FANCL: variants seen among roughly 807,000 people sequenced by gnomAD.
FANCL encodes E3 ubiquitin-protein ligase FANCL.
In FANCL, 69 loss-of-function variants were observed where a neutral mutation model predicts 59.4. That is an observed-to-expected ratio of 1.16 (90% CI 0.96 to 1.42). The LOEUF (loss-of-function observed/expected upper bound fraction) is 1.42. Among genes scored for constraint, FANCL ranks in the 40% most tolerant of loss-of-function variants. The pLI is 0.00. For synonymous variants in FANCL, 180 were observed against 147.1 expected (o/e 1.22, Z -1.62); for missense variants, 519 against 447.2 (o/e 1.16, Z -1.45).
At chr2:58,169,091 G>A (rs190377299) in intron 7 of FANCL, among the ~76,000 whole-genome samples, 73 of 152,310 alleles carry the variant, frequency 4.8e-4, no homozygotes, top group African/African-American at 1.7e-3. Context: ...CACAACACTC[G>A]AGCTCTGCTA....
Position 58,221,966 on chromosome 2 carries a change from T to A in FANCL, c.350A>T (p.Glu117Val). 3.1e-6 allele frequency: 5 copies of A among 1,612,964 alleles called. No homozygotes were observed. Among genetic ancestry groups the A allele is most frequent in the Non-Finnish European group, 3.4e-6 (4 of 1,179,056 alleles). Residue 117 changes from glutamate (E) to valine (V), a missense_variant, in exon 5 of 14, where the codon GAG becomes GTG. By Grantham distance (121) the Glu-to-Val change is moderately radical. Coordinates refer to ENST00000233741, the MANE Select transcript of FANCL (RefSeq NM_018062.4). ...CTTATCCCAACCAAGAGTTCCTATCTCTTCAATAAGGCTTGAGTAGAACTG... is the reference window on the plus strand; with the variant it reads ...CTTATCCCAACCAAGAGTTCCTATCACTTCAATAAGGCTTGAGTAGAACTG... The part of the protein sequence containing the change: ...PPQFYSSLIE[E>V]IGTLGWDKLV...
chr2:58,240,487 C>T (rs1694422554), intron 1 of FANCL, among the ~76,000 whole-genome samples: 1 of 152,190 alleles, frequency 6.6e-6, no homozygotes, highest in Non-Finnish European at 1.5e-5. Context: ...CAGCAAATAA[C>T]GTCTCCGGTT....
chr2:58,190,283 T>C (rs1170726755), intron 7 of FANCL, among the ~76,000 whole-genome samples: 1 of 151,934 alleles, frequency 6.6e-6, no homozygotes, highest in African/African-American at 2.4e-5. Flanking sequence ...TTCATTCATG[T>C]GAAAAGGGTA....
chr2:58,174,979 A>G (rs920259307), intron 7 of FANCL, among the ~76,000 whole-genome samples: 5 of 152,208 alleles, frequency 3.3e-5, no homozygotes, highest in Admixed American at 3.3e-4. Flanking sequence ...AGAAATACAA[A>G]CTACCATCAG....
At chr2:58,226,424 T>G (rs1049005006) in intron 4 of FANCL, among the ~76,000 whole-genome samples, 1 of 152,182 alleles carries the variant, frequency 6.6e-6, no homozygotes, top group Non-Finnish European at 1.5e-5. Context: ...ACCTAATCTC[T>G]TCTTAGATGT....
intron 5 of FANCL, among the ~76,000 whole-genome samples, chr2:58,217,201 TATATATATATATATACAC>T (rs1406067997): frequency 2.1e-3 from 26 of 12,292 alleles, no homozygotes; most frequent in East Asian, 7.2e-3. Context: ...TATATATATA[TATATATATATATATACAC>T]ACACACACAC....
At chr2:58,228,142 A>G (rs1265531152) in intron 3 of FANCL, among the ~76,000 whole-genome samples, 1 of 152,288 alleles carries the variant, frequency 6.6e-6, no homozygotes, top group African/African-American at 2.4e-5. Context: ...CAACTAATCC[A>G]TATTAGTCAA....
intron 6 of FANCL, among the ~76,000 whole-genome samples, chr2:58,200,499 TATC>T (rs1285877347): frequency 6.6e-6 from 1 of 152,092 alleles, no homozygotes; most frequent in African/African-American, 2.4e-5. Flanking sequence ...AGTTGCTATT[TATC>T]TTAGTGATGC....
At position 58,222,021 on chromosome 2, in the gene FANCL, G is replaced by C; in HGVS notation, c.295C>G (p.Gln99Glu). The change falls in exon 5 of 14, where the codon CAA (glutamine) becomes GAA (glutamate). Residue 99 changes from glutamine to glutamate, a missense_variant. By Grantham distance (29) the Gln-to-Glu change is conservative. Coordinates refer to ENST00000233741, the MANE Select transcript of FANCL (RefSeq NM_018062.4). ...MLLEVALKNR[Q>E]ELYALPPPPQ... is the part of the protein sequence containing the mutation. The stretch of plus-strand genomic sequence containing the variant: ...GGAGGAGGTAGTGCATACAGCTCTT[G>C]TCTATTCTTTAAGGCAACTTCCTGT... 1 of 1,613,206 alleles carries C rather than the reference G, an allele frequency of 6.2e-7. No individual in the cohort carries two copies. The highest frequency in any genetic ancestry group is 1.1e-5 in the South Asian group (1 of 91,068).
rs774840155 is a variant in FANCL at position 58,232,092 on chromosome 2, C to T, written c.117G>A (p.Arg39=). ...ISAQGRDFHL[R]IVLPEDLQLK... ...GTTGTAAATCTTCAGGCAACACTATCCTAAGGTGGAAGTCTCTTCCCTGTG... is the reference window on the plus strand; with the variant it reads ...GTTGTAAATCTTCAGGCAACACTATTCTAAGGTGGAAGTCTCTTCCCTGTG... Residue 39 remains arginine (R), a synonymous_variant, in exon 2 of 14, where the codon AGG becomes AGA. Coordinates refer to ENST00000233741, the MANE Select transcript of FANCL (RefSeq NM_018062.4). The T allele has an allele frequency of 2.4e-5, 39 of 1,613,166 alleles. No individual in the cohort carries two copies. In the East Asian group the frequency reaches 8.0e-4, roughly 33 times the overall value.
intron 5 of FANCL, among the ~76,000 whole-genome samples, chr2:58,219,154 AAAAAAAAAAAAAAAAAAATATAT>A (rs1692161110): frequency 2.5e-5 from 2 of 78,562 alleles, no homozygotes; most frequent in African/African-American, 1.6e-4. Flanking sequence ...AAAAAAAAAA[AAAAAAAAAAAAAAAAAAATATAT>A]ATATATATAT....
intron 7 of FANCL, among the ~76,000 whole-genome samples, chr2:58,195,823 T>C (rs1189168178): frequency 6.6e-6 from 1 of 152,082 alleles, no homozygotes; most frequent in Non-Finnish European, 1.5e-5. Context: ...AATATAAACT[T>C]ATACAACAAT....
intron 3 of FANCL, among the ~76,000 whole-genome samples, chr2:58,227,597 T>A (rs900870455): frequency 6.6e-6 from 1 of 152,178 alleles, no homozygotes; most frequent in African/African-American, 2.4e-5. Context: ...ATGCTCTCGA[T>A]GTCCTCTCGA....
At chr2:58,183,646 C>A (rs1426492023) in intron 7 of FANCL, among the ~76,000 whole-genome samples, 1 of 151,860 alleles carries the variant, frequency 6.6e-6, no homozygotes, top group Non-Finnish European at 1.5e-5. Flanking sequence ...ATGACAATGA[C>A]AATTTTTTAT....
At chr2:58,181,122 A>AT (rs1475470803) in intron 7 of FANCL, among the ~76,000 whole-genome samples, 2 of 152,138 alleles carry the variant, frequency 1.3e-5, no homozygotes, top group Non-Finnish European at 2.9e-5. Context: ...AGCTACATTC[A>AT]TAAGCACCAA....
intron 6 of FANCL, among the ~76,000 whole-genome samples, chr2:58,200,091 G>A (rs1218604350): frequency 6.7e-6 from 1 of 150,320 alleles, no homozygotes; most frequent in African/African-American, 2.4e-5. Flanking sequence ...ATATTCCAGT[G>A]GTCTACTTCT....
chr2:58,238,898 T>C (rs950600085), intron 1 of FANCL, among the ~76,000 whole-genome samples: 1 of 152,140 alleles, frequency 6.6e-6, no homozygotes, highest in South Asian at 2.1e-4. Context: ...TGCAAAGCCT[T>C]AAAAACTTAC....
At chr2:58,162,732 T>G in intron 11 of FANCL, 134 bp downstream of exon 11, 2 of 780,988 alleles carry the variant, frequency 2.6e-6, no homozygotes. Flanking sequence ...ACAAGTTTTT[T>G]GATGCAGATC....
chr2:58,169,214 C>T (rs1332161272), intron 7 of FANCL, among the ~76,000 whole-genome samples: 1 of 152,188 alleles, frequency 6.6e-6, no homozygotes, highest in Non-Finnish European at 1.5e-5. Flanking sequence ...AAGGAACAGG[C>T]AGCAAAATCT....
Sources: allele counts gnomAD v4.1 joint callset (sites outside exome capture counted in the v4.1 genomes callset), GRCh38; gene constraint gnomAD v4.1.1; transcripts MANE v1.5; gene names NCBI Gene and HGNC (gene_info 2026-07-23, HGNC 2026-07-21).